The following TMEM108 variants were observed in gnomAD, a reference collection of about 807,000 sequenced individuals.
TMEM108 encodes cancer/testis antigen 124.
A neutral mutation model predicts 35.1 loss-of-function variants in TMEM108; 12 were observed. The observed-to-expected ratio is 0.34, with a 90% CI of 0.22 to 0.55. TMEM108 has a LOEUF of 0.55. TMEM108 is among the 20% of genes least tolerant of loss of function. The pLI, the probability that TMEM108 is intolerant of heterozygous loss-of-function variation, is 0.89. For synonymous variants in TMEM108, 287 were observed against 308.6 expected (o/e 0.93, Z 0.73); for missense variants, 680 against 753.3 (o/e 0.90, Z 1.14).
Position 133,100,990 on chromosome 3 carries a change from G to A in TMEM108, c.-47+54970G>A, listed in dbSNP as rs573997604. On this transcript the variant is annotated intron_variant, in intron 2 of 5. Coordinates refer to ENST00000321871, the MANE Select transcript of TMEM108 (RefSeq NM_023943.4). ...AATTGTATTTTTATACCTACATTAA[G>A]AACATTTCCTCATTGTCACATACAC... 4.6e-4 allele frequency among the ~76,000 whole-genome samples: 69 copies of A among 150,190 alleles called. 1 individual carries two copies. Among genetic ancestry groups the A allele is most frequent in the African/African-American group, 1.7e-3 (67 of 39,644 alleles).
rs59215786 is a variant in TMEM108 at position 133,310,530 on chromosome 3, C to CTTTT, written c.41-69196_41-69193dup. 8.1e-4 allele frequency among the ~76,000 whole-genome samples: 18 copies of CTTTT among 22,248 alleles called. 5 individuals are homozygous for CTTTT. The highest frequency in any genetic ancestry group is 5.0e-3 in the East Asian group (2 of 398). The allele number at this position is 22,248 out of a possible 152,430, so 14.6% of individuals were successfully genotyped here. ...TCAGAGACTAGGATTGCAACCCCTGCTTTTTTTTTTTTTTTTTTTTTTTTT... is the reference window on the plus strand; with the variant it reads ...TCAGAGACTAGGATTGCAACCCCTGCTTTTTTTTTTTTTTTTTTTTTTTTTTTTT... On this transcript the variant is annotated intron_variant, in intron 3 of 5. Transcript: ENST00000321871.
At chr3:133,145,005 T>C (rs1944696830) in intron 2 of TMEM108, among the ~76,000 whole-genome samples, 2 of 152,254 alleles carry the variant, frequency 1.3e-5, no homozygotes, top group Non-Finnish European at 2.9e-5. Flanking sequence ...TTGTTGCCAT[T>C]GCTTTTGGTG....
chr3:133,045,170 A>G (rs867873364), intron 1 of TMEM108, among the ~76,000 whole-genome samples: 37 of 152,134 alleles, frequency 2.4e-4, no homozygotes, highest in Admixed American at 1.4e-3. Flanking sequence ...GGGTTTCACC[A>G]TGTTAGCCAG....
chr3:133,276,518 A>G (rs939790658), intron 3 of TMEM108, among the ~76,000 whole-genome samples: 8 of 152,236 alleles, frequency 5.3e-5, no homozygotes, highest in Non-Finnish European at 8.8e-5. Flanking sequence ...AGGTGTTCTT[A>G]ATTGACTGTC....
intron 2 of TMEM108, among the ~76,000 whole-genome samples, chr3:133,202,106 A>G (rs2107828203): frequency 6.6e-6 from 1 of 152,274 alleles, no homozygotes; most frequent in Admixed American, 6.5e-5. Context: ...TTCTTTTGAT[A>G]AGTTTCTGTT....
intron 2 of TMEM108, among the ~76,000 whole-genome samples, chr3:133,207,117 C>T (rs543706633): frequency 2.0e-5 from 3 of 152,074 alleles, no homozygotes; most frequent in Non-Finnish European, 2.9e-5. Context: ...GGGAAAAACC[C>T]GCCTACTCAA....
intron 3 of TMEM108, among the ~76,000 whole-genome samples, chr3:133,229,750 A>G (rs1228512334): frequency 6.6e-6 from 1 of 152,224 alleles, no homozygotes; most frequent in East Asian, 1.9e-4. Context: ...ATGAAGAGGA[A>G]ATGGTAGGTT....
intron 3 of TMEM108, among the ~76,000 whole-genome samples, chr3:133,241,920 G>A (rs1946319593): frequency 6.6e-6 from 1 of 152,044 alleles, no homozygotes; most frequent in South Asian, 2.1e-4. Context: ...GGCCTCCTGT[G>A]GCTTCTACAA....
chr3:133,169,352 T>C (rs1262153446), intron 2 of TMEM108, among the ~76,000 whole-genome samples: 1 of 119,028 alleles, frequency 8.4e-6, no homozygotes. Context: ...TGTATTTCTT[T>C]TGTAGTCAGA....
chr3:133,039,847 A>T (rs1227318857), intron 1 of TMEM108, among the ~76,000 whole-genome samples: 6 of 152,306 alleles, frequency 3.9e-5, no homozygotes, highest in African/African-American at 1.4e-4. Context: ...CTGTACAACA[A>T]CATGTTTCTT....
At chr3:133,215,979 C>T (rs923300009) in intron 2 of TMEM108, among the ~76,000 whole-genome samples, 4 of 152,024 alleles carry the variant, frequency 2.6e-5, no homozygotes, top group Admixed American at 1.3e-4. Context: ...TGGGCCTACT[C>T]GTGTGCCAAT....
At chr3:133,352,585 T>C (rs1243712124) in intron 3 of TMEM108, among the ~76,000 whole-genome samples, 2 of 152,164 alleles carry the variant, frequency 1.3e-5, no homozygotes, top group African/African-American at 4.8e-5. Flanking sequence ...CTTCCTCGGG[T>C]TTAATAATTT....
chr3:133,219,162 G>T (rs1410773449), intron 2 of TMEM108, among the ~76,000 whole-genome samples: 12 of 152,068 alleles, frequency 7.9e-5, no homozygotes, highest in Admixed American at 3.3e-4. Flanking sequence ...TATTCAATTT[G>T]TTGGCATATA....
intron 3 of TMEM108, among the ~76,000 whole-genome samples, chr3:133,300,432 T>C: frequency 6.6e-6 from 1 of 152,236 alleles, no homozygotes; most frequent in East Asian, 1.9e-4. Context: ...GACCTCTTTT[T>C]AAACATGTAG....
At chr3:133,253,364 A>G (rs561911925) in intron 3 of TMEM108, 1 of 152,258 alleles carries the variant, frequency 6.6e-6, no homozygotes, top group South Asian at 2.1e-4. Flanking sequence ...TTACTCACCT[A>G]TATAAAGTGC....
intron 1 of TMEM108, among the ~76,000 whole-genome samples, chr3:133,045,258 G>A (rs745507015): frequency 2.0e-5 from 3 of 152,104 alleles, no homozygotes; most frequent in African/African-American, 4.8e-5. Context: ...GTGAGCCACC[G>A]CACCTGGTCC....
Position 133,153,260 on chromosome 3 carries a change from C to G in TMEM108, c.-46-76006C>G, listed in dbSNP as rs141409605. On this transcript the variant is annotated intron_variant, in intron 2 of 5. Coordinates refer to ENST00000321871, the MANE Select transcript of TMEM108 (RefSeq NM_023943.4). The stretch of plus-strand genomic sequence containing the variant: ...TAAATTTCTTTGGAGCAGATAGACT[C>G]CAAAGTCCCTTCCAGCCCTAAAATT... Among the ~76,000 whole-genome samples, 26 of 152,212 alleles carry G rather than the reference C, an allele frequency of 1.7e-4. 1 individual carries two copies. The East Asian group carries it at 4.6e-3, about 27-fold the overall frequency.
intron 3 of TMEM108, among the ~76,000 whole-genome samples, chr3:133,257,526 C>T (rs1454486387): frequency 6.6e-6 from 1 of 152,110 alleles, no homozygotes; most frequent in Non-Finnish European, 1.5e-5. Context: ...CTTGATCCCC[C>T]TGAAACAAAA....
intron 2 of TMEM108, among the ~76,000 whole-genome samples, chr3:133,157,091 T>G (rs1413814588): frequency 6.6e-6 from 1 of 152,246 alleles, no homozygotes; most frequent in Non-Finnish European, 1.5e-5. Flanking sequence ...TTCTTAATAT[T>G]ACTTGAGTAC....
Sources: allele counts gnomAD v4.1 joint callset (sites outside exome capture counted in the v4.1 genomes callset), GRCh38; gene constraint gnomAD v4.1.1; transcripts MANE v1.5; gene names NCBI Gene and HGNC (gene_info 2026-07-23, HGNC 2026-07-21).